Variants in ITGAM observed in about 807,000 individuals in gnomAD.
The protein encoded by ITGAM is integrin alpha-M.
A neutral mutation model predicts 137.5 loss-of-function variants in ITGAM; 79 were observed. That is an observed-to-expected ratio of 0.57 (90% CI 0.48 to 0.69). ITGAM has a LOEUF of 0.69. ITGAM is among the 30% of genes least tolerant of loss of function. The pLI, the probability that ITGAM is intolerant of heterozygous loss-of-function variation, is 0.00. For synonymous variants in ITGAM, 583 were observed against 592.3 expected, an observed-to-expected ratio of 0.98 and a Z score of 0.23; for missense variants, 1,343 against 1,483.5, an observed-to-expected ratio of 0.91 and a Z score of 1.56.
chr16:31,265,508 T>A lies in ITGAM; in HGVS notation c.238+10T>A. On this transcript the variant is annotated intron_variant, in intron 3 of 29. Transcript: ENST00000544665. ...CCCATCCGCCTGCAGGGTGAGTCACTGCCCCGCCGGGCTGGGACTGGGATT... is the reference window on the plus strand; with the variant it reads ...CCCATCCGCCTGCAGGGTGAGTCACAGCCCCGCCGGGCTGGGACTGGGATT... The A allele has an allele frequency of 1.9e-6, 3 of 1,555,332 alleles. No individual in the cohort carries two copies. Among genetic ancestry groups the A allele is most frequent in the Non-Finnish European group, 2.6e-6 (3 of 1,139,678 alleles).
chr16:31,268,116 C>T (rs2079790262), intron 5 of ITGAM, among the ~76,000 whole-genome samples: 1 of 152,142 alleles, frequency 6.6e-6, no homozygotes, highest in African/African-American at 2.4e-5. Flanking sequence ...GCCATCTCTC[C>T]TCACCCTCAC....
rs541157999 is a variant in ITGAM, at chr16:31,328,164, G to A, written c.2726G>A (p.Arg909Lys). The stretch of plus-strand genomic sequence containing the variant: ...CCCTCCAGTGAGAACAACATGCCCA[G>A]AACCAACAAAACCGAATTCCAACTG... ...ANVTSENNMP[R>K]TNKTEFQLEL... The change falls in exon 23 of 30, where the codon AGA (arginine) becomes AAA (lysine). Residue 909 changes from arginine (R) to lysine (K), a missense_variant. Physicochemically the swap from Arg to Lys is conservative, Grantham distance 26. Coordinates refer to ENST00000544665, the MANE Select transcript of ITGAM (RefSeq NM_000632.4). 5.2e-5 allele frequency: 84 copies of A among 1,613,936 alleles called. No homozygotes were observed. The South Asian group carries it at 8.9e-4, about 17-fold the overall frequency.
chr16:31,302,374 C>CTTTCT (rs2080205679), intron 14 of ITGAM, among the ~76,000 whole-genome samples: 1 of 150,520 alleles, frequency 6.6e-6, no homozygotes, highest in Admixed American at 6.6e-5. Context: ...ATCTTTTTTT[C>CTTTCT]TTTCTTTTCT....
intron 14 of ITGAM, among the ~76,000 whole-genome samples, chr16:31,302,458 C>CCTTCCTTTCTTTCTTT (rs2080213253): frequency 2.7e-5 from 3 of 111,920 alleles, no homozygotes; most frequent in African/African-American, 4.8e-5. Context: ...TTTCTTCCTT[C>CCTTCCTTTCTTTCTTT]CTTTCTTTCT....
chr16:31,283,413 C>T (rs557627788), intron 12 of ITGAM, among the ~76,000 whole-genome samples: 4 of 152,248 alleles, frequency 2.6e-5, no homozygotes, highest in East Asian at 1.9e-4. Context: ...AGGCTTTGTT[C>T]ATTTCTTTTT....
intron 16 of ITGAM, among the ~76,000 whole-genome samples, chr16:31,323,317 C>A (rs2080469600): frequency 6.6e-6 from 1 of 151,732 alleles, no homozygotes; most frequent in Admixed American, 6.6e-5. Flanking sequence ...GTAATCCCAG[C>A]TACTCAGGAG....
chr16:31,281,153 C>A (rs931807820), intron 12 of ITGAM, among the ~76,000 whole-genome samples: 3 of 152,174 alleles, frequency 2.0e-5, no homozygotes, highest in African/African-American at 7.2e-5. Context: ...CGTTGATGTT[C>A]ATCAGGGATA....
At chr16:31,310,374 C>A (rs1448552965) in intron 14 of ITGAM, among the ~76,000 whole-genome samples, 2 of 152,114 alleles carry the variant, frequency 1.3e-5, no homozygotes, top group Non-Finnish European at 2.9e-5. Flanking sequence ...TCCCATATTT[C>A]TTGGAGGCTT....
chr16:31,298,069 C>A (rs2080155955), intron 14 of ITGAM, 115 bp downstream of exon 14: 2 of 867,686 alleles, frequency 2.3e-6, no homozygotes, highest in East Asian at 2.6e-5. Context: ...TCAGAACCTT[C>A]AAAAATAATA....
intron 22 of ITGAM, 66 bp from the exon 23 acceptor site, chr16:31,328,081 A>T (rs1786889954): frequency 8.3e-7 from 1 of 1,204,128 alleles, no homozygotes; most frequent in Admixed American, 1.7e-5. Context: ...GGAGTGAGGG[A>T]GAGGGAGGAG....
At chr16:31,295,440 T>C (rs2080123788) in intron 12 of ITGAM, among the ~76,000 whole-genome samples, 1 of 151,934 alleles carries the variant, frequency 6.6e-6, no homozygotes. Flanking sequence ...CTTAGGTATT[T>C]TTTTTGATGC....
chr16:31,322,904 T>G (rs927337413), intron 16 of ITGAM, among the ~76,000 whole-genome samples: 1 of 152,038 alleles, frequency 6.6e-6, no homozygotes, highest in Admixed American at 6.6e-5. Context: ...AAGACAGTCA[T>G]TTGAAAGTAT....
chr16:31,331,571 C>T (rs2080583854), intron 29 of ITGAM, 65 bp from the exon 30 acceptor site: 2 of 1,200,534 alleles, frequency 1.7e-6, no homozygotes, highest in Non-Finnish European at 2.4e-6. Flanking sequence ...GCCCCCTCCC[C>T]CTGGTCTGCG....
chr16:31,305,428 C>CT (rs1162912853), intron 14 of ITGAM, among the ~76,000 whole-genome samples: 1 of 152,124 alleles, frequency 6.6e-6, no homozygotes, highest in Non-Finnish European at 1.5e-5. Context: ...TTCCTCTTTT[C>CT]CAATTTGGAC....
At chr16:31,329,073 T>TCTCCCCCCCC in intron 23 of ITGAM, 155 bp from the exon 24 acceptor site, 1 of 426,236 alleles carries the variant, frequency 2.3e-6, no homozygotes, top group Non-Finnish European at 4.5e-6. Flanking sequence ...ACACATTGGT[T>TCTCCCCCCCC]CCCCCATCCC....
At chr16:31,329,022 G>A (rs2144505398) in intron 23 of ITGAM, 2 of 631,078 alleles carry the variant, frequency 3.2e-6, no homozygotes, top group African/African-American at 1.8e-5. Context: ...TTGTGCACGT[G>A]TGTGTGAGTG....
At chr16:31,280,124 G>A (rs2079952139) in intron 12 of ITGAM, among the ~76,000 whole-genome samples, 1 of 152,168 alleles carries the variant, frequency 6.6e-6, no homozygotes, top group Admixed American at 6.5e-5. Flanking sequence ...GTACCATGCT[G>A]TTTTGGTTAC....
intron 12 of ITGAM, among the ~76,000 whole-genome samples, chr16:31,295,583 C>CT (rs1393563489): frequency 6.7e-6 from 1 of 150,364 alleles, no homozygotes; most frequent in East Asian, 1.9e-4. Context: ...TCTAGTAGTT[C>CT]TTTTTTGGTG....
intron 14 of ITGAM, among the ~76,000 whole-genome samples, 171 bp downstream of exon 14, chr16:31,298,125 T>C (rs965891659): frequency 6.9e-6 from 1 of 145,076 alleles, no homozygotes; most frequent in Admixed American, 7.2e-5. Flanking sequence ...CCCAGCACTT[T>C]GGAAGGCTGA....
Sources: allele counts gnomAD v4.1 joint callset (sites outside exome capture counted in the v4.1 genomes callset), GRCh38; gene constraint gnomAD v4.1.1; transcripts MANE v1.5; gene names NCBI Gene and HGNC (gene_info 2026-07-23, HGNC 2026-07-21).